ATRN: variants seen among roughly 807,000 people sequenced by gnomAD.
ATRN encodes the protein attractin, also known as attractin-2.
A neutral mutation model predicts 178.7 loss-of-function variants in ATRN; 54 were observed. That is an observed-to-expected ratio of 0.30 (90% CI 0.24 to 0.38). The LOEUF is 0.38. Ranked by LOEUF, ATRN falls within the 10% of genes least tolerant of loss-of-function variation. The probability of loss-of-function intolerance (pLI) is 1.00; values close to 1 mark genes in which losing one functional copy is unlikely to be tolerated. For missense variants in ATRN, 1,443 were observed against 1,815.1 expected, an observed-to-expected ratio of 0.79 and a Z score of 3.73; for synonymous variants, 636 against 663.0, an observed-to-expected ratio of 0.96 and a Z score of 0.63.
At position 3,471,255 on chromosome 20, in the gene ATRN, C is replaced by T. The variant is rs2084415185; in HGVS notation, c.148C>T (p.Pro50Ser). The T allele has an allele frequency of 1.4e-6, 2 of 1,445,142 alleles. No individual in the cohort carries two copies. The highest frequency in any genetic ancestry group is 1.4e-5 in the South Asian group (1 of 71,188). 89.5% of individuals were successfully genotyped at this position (1,445,142 alleles called of 1,614,324 possible). ...RPGLGAGLRL[P>S]RLLSPPLRPR... Reference sequence around the variant, plus strand: ...GGGGCTGGGGGCCGGGCTGCGCCTCCCGCGGCTGCTGTCTCCACCGCTGCG... The same window carrying T: ...GGGGCTGGGGGCCGGGCTGCGCCTCTCGCGGCTGCTGTCTCCACCGCTGCG... The change falls in exon 1 of 29, where the codon CCG (proline) becomes TCG (serine). Residue 50 changes from proline (P) to serine (S), a missense_variant. Physicochemically the swap from Pro to Ser is moderately conservative, Grantham distance 74 (BLOSUM62 -1). Coordinates refer to ENST00000262919, the MANE Select transcript of ATRN (RefSeq NM_139321.3).
intron 1 of ATRN, among the ~76,000 whole-genome samples, chr20:3,510,913 C>T (rs1288321861): frequency 2.0e-5 from 3 of 152,138 alleles, no homozygotes; most frequent in Non-Finnish European, 2.9e-5. Context: ...TTAATACTCT[C>T]TCAGTAGTTC....
chr20:3,502,302 G>C (rs1215908487), intron 1 of ATRN, among the ~76,000 whole-genome samples: 3 of 152,064 alleles, frequency 2.0e-5, no homozygotes, highest in Non-Finnish European at 4.4e-5. Flanking sequence ...CAGTTTTCCT[G>C]CTCTTCCCTG....
chr20:3,647,676 G>C lies in ATRN; in HGVS notation c.*829G>C, dbSNP rs1057169052. The C allele has an allele frequency of 3.3e-5, 5 of 152,110 alleles. No homozygotes were observed. The highest frequency in any genetic ancestry group is 7.4e-5 in the Non-Finnish European group (5 of 68,024). 9.4% of individuals were successfully genotyped at this position (152,110 alleles called of 1,614,324 possible). A position where few individuals can be genotyped will look rare whatever the true frequency, so the allele number is the denominator to read the frequency against. On this transcript the variant is annotated 3_prime_UTR_variant, in exon 29 of 29. Coordinates refer to ENST00000262919, the MANE Select transcript of ATRN (RefSeq NM_139321.3). ...AATAGATCTAGCAATTGGAAAGTTA[G>C]TAAGCCTAAGTTTTTACATAATTGC... is the stretch of plus-strand genomic sequence containing the variant.
chr20:3,604,007 A>G, intron 23 of ATRN, 98 bp from the exon 24 acceptor site: 2 of 1,012,770 alleles, frequency 2.0e-6, no homozygotes, highest in East Asian at 2.7e-5. Flanking sequence ...GAAATGTTTG[A>G]TAAATGCTAT....
intron 1 of ATRN, among the ~76,000 whole-genome samples, chr20:3,526,857 C>T (rs1030017367): frequency 2.9e-4 from 44 of 152,032 alleles, no homozygotes; most frequent in African/African-American, 7.7e-4. Flanking sequence ...TAAATGGTGT[C>T]GGGAAAACTG....
intron 18 of ATRN, among the ~76,000 whole-genome samples, chr20:3,590,221 GA>G (rs1213365618): frequency 1.3e-5 from 2 of 152,196 alleles, no homozygotes; most frequent in African/African-American, 4.8e-5. Context: ...AAAGTGATGG[GA>G]TTACAGGCAT....
intron 6 of ATRN, among the ~76,000 whole-genome samples, chr20:3,554,999 T>A (rs2085849860): frequency 9.0e-6 from 1 of 111,466 alleles, no homozygotes; most frequent in Non-Finnish European, 2.0e-5. Context: ...TCTTTTTTTT[T>A]TTTTTTTTTT....
intron 1 of ATRN, among the ~76,000 whole-genome samples, chr20:3,481,880 T>A (rs1274857808): frequency 1.3e-5 from 2 of 151,176 alleles, no homozygotes; most frequent in South Asian, 4.2e-4. Flanking sequence ...CTCTTGGTCC[T>A]TTTTGTATTT....
At chr20:3,578,389 C>T (rs919728374) in intron 14 of ATRN, among the ~76,000 whole-genome samples, 193 bp from the exon 15 acceptor site, 2 of 152,166 alleles carry the variant, frequency 1.3e-5, no homozygotes, top group African/African-American at 4.8e-5. Flanking sequence ...GGAGATATCA[C>T]CAGTAAACAT....
chr20:3,520,487 GA>G (rs1484901816), intron 1 of ATRN, among the ~76,000 whole-genome samples: 1 of 152,100 alleles, frequency 6.6e-6, no homozygotes, highest in Non-Finnish European at 1.5e-5. Context: ...TGAAATGAAT[GA>G]CAACTTTTTT....
In ATRN at chr20:3,554,990, C is replaced by CTTTT. The variant is rs536209701; in HGVS notation, c.1113-4376_1113-4373dup. 1.8e-4 allele frequency among the ~76,000 whole-genome samples: 12 copies of CTTTT among 67,492 alleles called. 2 individuals carry two copies. Among genetic ancestry groups the CTTTT allele is most frequent in the African/African-American group, 3.5e-4 (5 of 14,250 alleles). The allele number at this position is 67,492 out of a possible 152,430, so 44.3% of individuals were successfully genotyped here. On this transcript the variant is annotated intron_variant, in intron 6 of 28. Transcript: ENST00000262919. ...TGGAACACCAAGTGTGACCTGACCT[C>CTTTT]TTTTTTTTTTTTTTTTTTTTTTTTT... is the stretch of plus-strand genomic sequence containing the variant.
rs2087112138 is a variant in ATRN, at chr20:3,646,914, G to C, written c.*67G>C. On this transcript the variant is annotated 3_prime_UTR_variant, in exon 29 of 29. Coordinates refer to ENST00000262919, the MANE Select transcript of ATRN (RefSeq NM_139321.3). Reference sequence around the variant, plus strand: ...GCACACCAGAGCCATCTGCAGGGAAGGGCGTGGCGGGGAAATGGCTGTGCG... The same window carrying C: ...GCACACCAGAGCCATCTGCAGGGAACGGCGTGGCGGGGAAATGGCTGTGCG... 7 of 1,581,806 alleles carry C rather than the reference G, an allele frequency of 4.4e-6. No individual in the cohort carries two copies. The highest frequency in any genetic ancestry group is 3.5e-5 in the Admixed American group (2 of 56,468).
In ATRN at chr20:3,512,085, TTA is replaced by T. The variant is rs1212714416; in HGVS notation, c.411-23146_411-23145del. Among the ~76,000 whole-genome samples the T allele has an allele frequency of 1.4e-3, 165 of 119,758 alleles. 1 individual carries two copies. Among genetic ancestry groups the T allele is most frequent in the African/African-American group, 4.6e-3 (128 of 28,032 alleles). The allele number at this position is 119,758 out of a possible 152,430, so 78.6% of individuals were successfully genotyped here. On this transcript the variant is annotated intron_variant, in intron 1 of 28. Coordinates refer to ENST00000262919, the MANE Select transcript of ATRN (RefSeq NM_139321.3). The stretch of plus-strand genomic sequence containing the variant: ...ACTGGGTTATGTGTTCTTTTTTCTT[TTA>T]TATATATATATATATATATATTTTT...
chr20:3,543,448 G>A lies in ATRN; in HGVS notation c.609-2314G>A, dbSNP rs189416875. On this transcript the variant is annotated intron_variant, in intron 3 of 28. Coordinates refer to ENST00000262919, the MANE Select transcript of ATRN (RefSeq NM_139321.3). ...CATATTAAAAATTGAAGGGCGAGGC[G>A]TGGTGGCTCACACCTGTAATCCCAG... Among the ~76,000 whole-genome samples the A allele has an allele frequency of 2.6e-3, 390 of 152,270 alleles. 1 individual carries two copies. The highest frequency in any genetic ancestry group is 8.9e-3 in the African/African-American group (370 of 41,570).
intron 1 of ATRN, among the ~76,000 whole-genome samples, chr20:3,512,109 T>TATATATA (rs1376194007): frequency 4.0e-5 from 4 of 99,926 alleles, no homozygotes; most frequent in Non-Finnish European, 8.3e-5. Context: ...ATATATATAT[T>TATATATA]TTTTTTTTTT....
At chr20:3,565,169 C>T (rs888582758) in intron 10 of ATRN, among the ~76,000 whole-genome samples, 179 bp from the exon 11 acceptor site, 1 of 152,128 alleles carries the variant, frequency 6.6e-6, no homozygotes, top group Non-Finnish European at 1.5e-5. Context: ...CGCCTTTCTT[C>T]CATGCCCTGT....
At chr20:3,634,463 G>A (rs2087011524) in intron 26 of ATRN, 74 bp downstream of exon 26, 1 of 1,391,620 alleles carries the variant, frequency 7.2e-7, no homozygotes, top group African/African-American at 1.4e-5. Flanking sequence ...TAAGCAAGTG[G>A]GTTTTAGCTA....
chr20:3,588,981 G>GGTTT (rs2086397510), intron 18 of ATRN, among the ~76,000 whole-genome samples: 2 of 99,774 alleles, frequency 2.0e-5, no homozygotes, highest in Non-Finnish European at 3.7e-5. Flanking sequence ...ATTTTCTTTT[G>GGTTT]TTTTTTTTTT....
chr20:3,584,139 C>T lies in ATRN; in HGVS notation c.2950+56C>T, dbSNP rs950394500. On this transcript the variant is annotated intron_variant, in intron 17 of 28. Coordinates refer to ENST00000262919, the MANE Select transcript of ATRN (RefSeq NM_139321.3). ...TGCATGCCCTCTGTATAGGCAACAA[C>T]TCAGCCATGAGGCTGTGCTGTCAGC... is the stretch of plus-strand genomic sequence containing the variant. 1.1e-5 allele frequency: 17 copies of T among 1,544,428 alleles called. No homozygotes were observed. The South Asian group carries it at 1.9e-4, about 17-fold the overall frequency.
Sources: gnomAD v4.1 joint callset for allele counts (sites outside exome capture counted in the v4.1 genomes callset) on GRCh38, gnomAD v4.1.1 for gene constraint, MANE v1.5 for transcripts, NCBI Gene and HGNC (gene_info 2026-07-23, HGNC 2026-07-21) for gene names.